ARMH1: variants seen among roughly 807,000 people sequenced by gnomAD.
The protein encoded by ARMH1 is armadillo-like helical domain containing protein 1.
In ARMH1, 34 loss-of-function variants were observed where a neutral mutation model predicts 50.2. The observed-to-expected ratio is 0.68, with a 90% CI of 0.51 to 0.90. The LOEUF (loss-of-function observed/expected upper bound fraction) is 0.90. Ranked by LOEUF, ARMH1 falls within the 40% of genes least tolerant of loss-of-function variation. The pLI is 0.00. For synonymous variants in ARMH1, 221 were observed against 224.2 expected, an observed-to-expected ratio of 0.99 and a Z score of 0.13; for missense variants, 538 against 553.9, an observed-to-expected ratio of 0.97 and a Z score of 0.29.
chr1:44,721,815 T>C (rs559323562), intron 6 of ARMH1: 2 of 152,136 alleles, frequency 1.3e-5, no homozygotes, highest in African/African-American at 2.4e-5. Flanking sequence ...TTCAAAAAAT[T>C]TAACCATAAA....
chr1:44,719,224 A>G (rs924553484), intron 6 of ARMH1, among the ~76,000 whole-genome samples: 3 of 97,352 alleles, frequency 3.1e-5, no homozygotes, highest in African/African-American at 1.8e-4. Context: ...GAAAACCAGG[A>G]TGAGACAAAA....
At chr1:44,694,014 T>G (rs886719228) in intron 2 of ARMH1, among the ~76,000 whole-genome samples, 1 of 152,206 alleles carries the variant, frequency 6.6e-6, no homozygotes, top group Non-Finnish European at 1.5e-5. Flanking sequence ...TGTCTGAGCA[T>G]TCTGTGCTTT....
Position 44,724,579 on chromosome 1 carries a change from C to G in ARMH1, c.961C>G (p.Leu321Val), listed in dbSNP as rs1379730187. The change falls in exon 9 of 12, where the codon CTG becomes GTG. Residue 321 changes from leucine to valine, a missense_variant. By Grantham distance (32) the Leu-to-Val change is conservative. Transcript: ENST00000535358. This position sits in a 1 kb window ranked among gnomAD's most constrained non-coding sequence, Gnocchi z 6.4. ...CGACATGAGCATCGCCGAGGAGCTG[C>G]TGTACCTGCGCGTGGTGCGTGGCCT... Reference protein sequence around the residue: ...RNDMSIAEELLYLRVVRGLMA... With the variant: ...RNDMSIAEELVYLRVVRGLMA... 3 of 1,517,822 alleles carry G rather than the reference C, an allele frequency of 2.0e-6. No homozygotes were observed. Among genetic ancestry groups the G allele is most frequent in the South Asian group, 1.2e-5 (1 of 82,140 alleles). The allele number at this position is 1,517,822 out of a possible 1,614,324, so 94.0% of individuals were successfully genotyped here.
intron 6 of ARMH1, among the ~76,000 whole-genome samples, chr1:44,709,460 CAGG>C (rs1431661985): frequency 6.6e-6 from 1 of 152,118 alleles, no homozygotes; most frequent in East Asian, 1.9e-4. Context: ...ATCACGAGGT[CAGG>C]AGATCGAGAC....
At chr1:44,685,193 A>G (rs1645429294) in intron 1 of ARMH1, among the ~76,000 whole-genome samples, 1 of 152,200 alleles carries the variant, frequency 6.6e-6, no homozygotes, top group Non-Finnish European at 1.5e-5. Context: ...ATCATTATAC[A>G]ACTTCAGAAA....
intron 6 of ARMH1, among the ~76,000 whole-genome samples, chr1:44,705,102 T>C (rs1392720226): frequency 6.6e-6 from 1 of 151,188 alleles, no homozygotes; most frequent in African/African-American, 2.4e-5. Flanking sequence ...CCCAAAGTGC[T>C]GGGATTACAG....
In ARMH1 at chr1:44,689,681, T is replaced by C; in HGVS notation, c.-17T>C. ...TCTTTTCCCTCCCTCTGTAGCCAAC[T>C]TCAGGACTGATTGATCATGACTTCT... On this transcript the variant is annotated 5_prime_UTR_variant, in exon 2 of 12. Coordinates refer to ENST00000535358, the MANE Select transcript of ARMH1 (RefSeq NM_001145636.2). 1 of 1,551,628 alleles carries C rather than the reference T, an allele frequency of 6.4e-7. No individual in the cohort carries two copies.
At chr1:44,688,896 G>GT (rs1179111975) in intron 1 of ARMH1, among the ~76,000 whole-genome samples, 1 of 151,984 alleles carries the variant, frequency 6.6e-6, no homozygotes, top group Non-Finnish European at 1.5e-5. Flanking sequence ...TTTTTAAGTT[G>GT]TTTTTAAGAG....
Position 44,724,087 on chromosome 1 carries a change from T to TG in ARMH1, c.725-31dup, listed in dbSNP as rs777997351. 1 of 1,543,972 alleles carries TG rather than the reference T, an allele frequency of 6.5e-7. No individual in the cohort carries two copies. Among genetic ancestry groups the TG allele is most frequent in the South Asian group, 1.2e-5 (1 of 83,388 alleles). On this transcript the variant is annotated intron_variant, in intron 6 of 11. Transcript: ENST00000535358. This position sits in a 1 kb window ranked among gnomAD's most constrained non-coding sequence, Gnocchi z 6.4. ...TTGCTTCCTCGGTGGCGGAGGGGCC[T>TG]GGGGCCTCTCTCCAGCACCTCTGCC... is the stretch of plus-strand genomic sequence containing the variant.
intron 2 of ARMH1, among the ~76,000 whole-genome samples, chr1:44,691,189 C>T (rs563863205): frequency 5.9e-5 from 9 of 151,916 alleles, no homozygotes; most frequent in Non-Finnish European, 1.3e-4. Flanking sequence ...ACCCGGGAGG[C>T]GGAGGTTGCA....
At chr1:44,718,217 T>C (rs570330982) in intron 6 of ARMH1, among the ~76,000 whole-genome samples, 1 of 152,322 alleles carries the variant, frequency 6.6e-6, no homozygotes, top group East Asian at 1.9e-4. Context: ...GGAAGAGCTC[T>C]TGGGCACAGG....
chr1:44,689,162 A>T (rs1645573810), intron 1 of ARMH1: 1 of 154,932 alleles, frequency 6.5e-6, no homozygotes, highest in South Asian at 2.0e-4. Context: ...CCCGGGTTCA[A>T]GGGATTTCTC....
At chr1:44,718,987 A>G (rs911251636) in intron 6 of ARMH1, among the ~76,000 whole-genome samples, 4 of 144,718 alleles carry the variant, frequency 2.8e-5, no homozygotes, top group African/African-American at 1.0e-4. Flanking sequence ...ATCGCACCAT[A>G]GTACTCCAGC....
At chr1:44,679,695 C>G (rs1298938631) in intron 1 of ARMH1, among the ~76,000 whole-genome samples, 2 of 152,222 alleles carry the variant, frequency 1.3e-5, no homozygotes, top group Non-Finnish European at 1.5e-5. Flanking sequence ...CACTGGCCTT[C>G]TTGGATGGAG....
At chr1:44,710,086 C>T (rs529997915) in intron 6 of ARMH1, among the ~76,000 whole-genome samples, 82 of 152,212 alleles carry the variant, frequency 5.4e-4, no homozygotes, top group Admixed American at 8.5e-4. Context: ...AACTCTCGCA[C>T]TAACACAGTG....
chr1:44,688,615 A>G (rs1420478939), intron 1 of ARMH1, among the ~76,000 whole-genome samples: 5 of 152,208 alleles, frequency 3.3e-5, no homozygotes, highest in South Asian at 2.1e-4. Flanking sequence ...TGTTTCACAA[A>G]TATTCTGTAA....
rs554872914 is a variant in ARMH1 at position 44,712,143 on chromosome 1, G to A, written c.724+7970G>A. Reference sequence around the variant, plus strand: ...TCCCAGCACTTTGGGAGCCCGAGGCGGGCAGATCACTTGAGGCCAAGAGTT... The same window carrying A: ...TCCCAGCACTTTGGGAGCCCGAGGCAGGCAGATCACTTGAGGCCAAGAGTT... On this transcript the variant is annotated intron_variant, in intron 6 of 11. Transcript: ENST00000535358. Among the ~76,000 whole-genome samples, 7 of 152,244 alleles carry A rather than the reference G, an allele frequency of 4.6e-5. No homozygotes were observed. In the South Asian group the frequency reaches 6.2e-4, roughly 14 times the overall value.
intron 4 of ARMH1, 125 bp from the exon 5 acceptor site, chr1:44,700,798 C>G: frequency 1.3e-6 from 1 of 749,822 alleles, no homozygotes. Flanking sequence ...AACCAGGCCT[C>G]AATTTTGCTT....
At chr1:44,685,242 G>T (rs1448812480) in intron 1 of ARMH1, among the ~76,000 whole-genome samples, 1 of 151,820 alleles carries the variant, frequency 6.6e-6, no homozygotes, top group Non-Finnish European at 1.5e-5. Context: ...ATAGACAAAG[G>T]CACAGGAATC....
Sources: allele counts gnomAD v4.1 joint callset (sites outside exome capture counted in the v4.1 genomes callset), GRCh38; gene constraint gnomAD v4.1.1; non-coding constraint Gnocchi (gnomAD v3.1); transcripts MANE v1.5; gene names NCBI Gene and HGNC (gene_info 2026-07-23, HGNC 2026-07-21).